BNC2: variants seen among roughly 807,000 people sequenced by gnomAD.
The protein encoded by BNC2 is basonuclin zinc finger protein 2, also known as zinc finger protein basonuclin-2.
A neutral mutation model predicts 76.3 loss-of-function variants in BNC2; 20 were observed. The ratio of observed to expected loss-of-function variants is 0.26; its 90% CI spans 0.18 to 0.38. The LOEUF is 0.38. Ranked by LOEUF, BNC2 falls within the 10% of genes least tolerant of loss-of-function variation. The pLI is 1.00. For missense variants in BNC2, 1,382 were observed against 1,399.8 expected (o/e 0.99, Z 0.20); for synonymous variants, 582 against 514.8 (o/e 1.13, Z -1.77).
At chr9:16,760,635 C>G (rs898949661) in intron 1 of BNC2, among the ~76,000 whole-genome samples, 1 of 152,192 alleles carries the variant, frequency 6.6e-6, no homozygotes, top group Non-Finnish European at 1.5e-5. Context: ...AACACCTCCA[C>G]TGGTTCTAAG....
chr9:16,459,266 G>A (rs1460812571), intron 5 of BNC2, among the ~76,000 whole-genome samples: 1 of 152,146 alleles, frequency 6.6e-6, no homozygotes, highest in South Asian at 2.1e-4. Context: ...CTACAAAAGA[G>A]TTTCATGCTC....
Position 16,724,302 on chromosome 9 carries a change from T to C in BNC2, c.330+3495A>G, listed in dbSNP as rs1323690798. Among the ~76,000 whole-genome samples, 7 of 151,934 alleles carry C rather than the reference T, an allele frequency of 4.6e-5. No homozygotes were observed. The East Asian group carries it at 1.4e-3, about 29-fold the overall frequency. On this transcript the variant is annotated intron_variant, in intron 3 of 6. Transcript: ENST00000380672. ...TTCTCTCAAATGCACAAAATATTTATACAAATAGAAGAATTGCCTCCTCAA... is the reference window on the plus strand; with the variant it reads ...TTCTCTCAAATGCACAAAATATTTACACAAATAGAAGAATTGCCTCCTCAA...
intron 6 of BNC2, among the ~76,000 whole-genome samples, chr9:16,421,497 G>A (rs1396038506): frequency 6.6e-6 from 1 of 152,186 alleles, no homozygotes; most frequent in African/African-American, 2.4e-5. Context: ...ATGATTTTCA[G>A]ATCAGCTGTA....
chr9:16,860,148 C>T (rs1053873676), intron 1 of BNC2, among the ~76,000 whole-genome samples: 11 of 151,568 alleles, frequency 7.3e-5, no homozygotes, highest in South Asian at 2.1e-4. Flanking sequence ...TAACAAGATA[C>T]ATTTTACGTT....
At chr9:16,776,924 G>A (rs1428758524) in intron 1 of BNC2, among the ~76,000 whole-genome samples, 5 of 151,976 alleles carry the variant, frequency 3.3e-5, no homozygotes, top group Admixed American at 6.6e-5. Flanking sequence ...TCAGGAGTTC[G>A]AGACCAGCCT....
In BNC2 at chr9:16,437,013, T is replaced by G; in HGVS notation, c.1181A>C (p.Glu394Ala). The change falls in exon 6 of 7, where the codon GAG becomes GCG. Residue 394 changes from glutamate to alanine, a missense_variant. This residue lies in a region of BNC2 where 557 missense variants were observed against 540.9 expected (regional missense o/e 1.03). Transcript: ENST00000380672. ...RNALTSITNV[E>A]PKTEPACVSP... The stretch of plus-strand genomic sequence containing the variant: ...GACACAGGCTGGCTCGGTTTTGGGC[T>G]CCACATTAGTAATGCTGGTCAGGGC... 1 of 1,614,158 alleles carries G rather than the reference T, an allele frequency of 6.2e-7. No individual in the cohort carries two copies. Among genetic ancestry groups the G allele is most frequent in the Non-Finnish European group, 8.5e-7 (1 of 1,180,034 alleles).
At chr9:16,751,670 G>GTA (rs1307357910) in intron 1 of BNC2, among the ~76,000 whole-genome samples, 5,093 of 37,168 alleles carry the variant, frequency 0.14, 388 homozygotes, top group African/African-American at 0.33. Flanking sequence ...ATGTATGTAT[G>GTA]TGTATATATA....
intron 1 of BNC2, among the ~76,000 whole-genome samples, chr9:16,816,572 A>T (rs1019423259): frequency 6.6e-6 from 1 of 152,248 alleles, no homozygotes; most frequent in African/African-American, 2.4e-5. Context: ...TCAAGGGAAA[A>T]CAAGGATAGG....
chr9:16,793,838 G>GTT (rs1372261468), intron 1 of BNC2, among the ~76,000 whole-genome samples: 15 of 132,846 alleles, frequency 1.1e-4, no homozygotes, highest in African/African-American at 4.1e-4. Flanking sequence ...TGCCCAGCTA[G>GTT]TTTTTGTTTT....
chr9:16,826,220 C>A (rs1220234173), intron 1 of BNC2, among the ~76,000 whole-genome samples: 3 of 122,364 alleles, frequency 2.5e-5, no homozygotes, highest in Non-Finnish European at 3.3e-5. Flanking sequence ...TTACTTCACT[C>A]CCCCCCGCTC....
intron 1 of BNC2, among the ~76,000 whole-genome samples, chr9:16,794,977 T>C (rs1421015163): frequency 6.6e-6 from 1 of 152,070 alleles, no homozygotes; most frequent in African/African-American, 2.4e-5. Context: ...AAAATACAAA[T>C]ACTCTCTCCT....
At chr9:16,730,462 C>T (rs1048142639) in intron 2 of BNC2, among the ~76,000 whole-genome samples, 1 of 152,204 alleles carries the variant, frequency 6.6e-6, no homozygotes, top group African/African-American at 2.4e-5. Flanking sequence ...TCCCCCTAAA[C>T]TGCACAGCTC....
intron 3 of BNC2, among the ~76,000 whole-genome samples, chr9:16,726,481 T>A (rs1251470690): frequency 6.6e-6 from 1 of 151,922 alleles, no homozygotes; most frequent in Non-Finnish European, 1.5e-5. Context: ...GCAAATTGTT[T>A]TTTTTTTATT....
intron 6 of BNC2, among the ~76,000 whole-genome samples, chr9:16,424,573 C>T (rs1472870400): frequency 1.3e-5 from 2 of 152,162 alleles, no homozygotes; most frequent in Non-Finnish European, 2.9e-5. Context: ...ACAACATATA[C>T]ATAGCGTAAC....
At chr9:16,765,817 A>C (rs187920528) in intron 1 of BNC2, among the ~76,000 whole-genome samples, 13 of 146,836 alleles carry the variant, frequency 8.9e-5, no homozygotes, top group South Asian at 2.2e-4. Context: ...GACGGAGTCT[A>C]GCTCTGTCGC....
intron 3 of BNC2, among the ~76,000 whole-genome samples, chr9:16,634,840 A>C (rs1821274963): frequency 1.3e-5 from 2 of 151,968 alleles, no homozygotes; most frequent in South Asian, 4.1e-4. Flanking sequence ...TGAGCCCAAG[A>C]AGCAGTGTAC....
At chr9:16,469,375 C>T (rs559206529) in intron 5 of BNC2, among the ~76,000 whole-genome samples, 13 of 152,268 alleles carry the variant, frequency 8.5e-5, no homozygotes, top group African/African-American at 2.6e-4. Context: ...TGAAGCCTCA[C>T]GAGATTTGAT....
At chr9:16,538,845 T>C (rs1377578005) in intron 5 of BNC2, among the ~76,000 whole-genome samples, 2 of 152,188 alleles carry the variant, frequency 1.3e-5, no homozygotes, top group Admixed American at 6.5e-5. Flanking sequence ...TTCAAGTAAA[T>C]TGGTAGTATG....
At position 16,410,826 on chromosome 9, in the gene BNC2, A is replaced by T. The variant is rs1480422228; in HGVS notation, c.*8163T>A. 6.6e-6 allele frequency: 1 copy of T among 152,248 alleles called. No individual in the cohort carries two copies. Among genetic ancestry groups the T allele is most frequent in the Non-Finnish European group, 1.5e-5 (1 of 68,064 alleles). The allele number at this position is 152,248 out of a possible 1,614,324, so 9.4% of individuals were successfully genotyped here. ...GAGAGGAATGGATTACTCTGTACAA[A>T]AACATGCAAAAATACTCCAAATTGG... On this transcript the variant is annotated 3_prime_UTR_variant, in exon 7 of 7. Coordinates refer to ENST00000380672, the MANE Select transcript of BNC2 (RefSeq NM_017637.6).
Sources: gnomAD v4.1 joint callset for allele counts (sites outside exome capture counted in the v4.1 genomes callset) on GRCh38, gnomAD v4.1.1 for gene constraint, gnomAD v4.1.1 regional missense constraint, MANE v1.5 for transcripts, NCBI Gene and HGNC (gene_info 2026-07-23, HGNC 2026-07-21) for gene names.